Variants in WASL observed in about 807,000 individuals in gnomAD.
WASL encodes actin nucleation-promoting factor WASL.
WASL carries 20 observed loss-of-function variants against 55.5 expected under a neutral mutation model. The ratio of observed to expected loss-of-function variants is 0.36; its 90% confidence interval spans 0.25 to 0.52. WASL has a LOEUF of 0.52. WASL is among the 20% of genes least tolerant of loss of function. The pLI, the probability that WASL is intolerant of heterozygous loss-of-function variation, is 0.92. For synonymous variants in WASL, 249 were observed against 217.6 expected (o/e 1.14, Z -1.27); for missense variants, 504 against 622.5 (o/e 0.81, Z 2.03).
At chr7:123,711,690 T>G (rs941670836) in intron 1 of WASL, among the ~76,000 whole-genome samples, 1 of 152,108 alleles carries the variant, frequency 6.6e-6, no homozygotes, top group African/African-American at 2.4e-5. Context: ...GACAGTGACT[T>G]AATTAAGTTT....
intron 1 of WASL, among the ~76,000 whole-genome samples, chr7:123,721,152 T>G (rs1803937077): frequency 6.6e-6 from 1 of 152,238 alleles, no homozygotes; most frequent in Non-Finnish European, 1.5e-5. Flanking sequence ...ACTCTTGCAG[T>G]CTTTCAAACT....
At chr7:123,710,704 G>C (rs1803740428) in intron 1 of WASL, among the ~76,000 whole-genome samples, 1 of 152,058 alleles carries the variant, frequency 6.6e-6, no homozygotes, top group Admixed American at 6.6e-5. Context: ...AAAAATTTCT[G>C]CAAGAGTCAA....
chr7:123,686,386 C>T (rs1803289161), intron 10 of WASL, among the ~76,000 whole-genome samples: 1 of 151,900 alleles, frequency 6.6e-6, no homozygotes, highest in African/African-American at 2.4e-5. Context: ...TCAAAGACAC[C>T]TGACTATGCT....
At chr7:123,729,113 T>C (rs1431495364) in intron 1 of WASL, among the ~76,000 whole-genome samples, 1 of 152,208 alleles carries the variant, frequency 6.6e-6, no homozygotes, top group Admixed American at 6.5e-5. Flanking sequence ...GTTGGAAATA[T>C]AATGCAAGCC....
intron 1 of WASL, among the ~76,000 whole-genome samples, chr7:123,720,651 T>A (rs74637298): frequency 9.9e-6 from 1 of 100,908 alleles, no homozygotes; most frequent in East Asian, 2.3e-4. Flanking sequence ...CACTGTGGGA[T>A]TTTTTTTTTT....
intron 5 of WASL, among the ~76,000 whole-genome samples, chr7:123,699,213 G>A (rs139730298): frequency 1.1e-4 from 17 of 152,022 alleles, no homozygotes; most frequent in African/African-American, 3.6e-4. Context: ...GTGAAACCGC[G>A]CCTCTAATAC....
intron 10 of WASL, among the ~76,000 whole-genome samples, chr7:123,687,127 CTTCT>C (rs1016606477): frequency 3.9e-5 from 6 of 152,262 alleles, no homozygotes; most frequent in African/African-American, 1.2e-4. Context: ...ATTTTGCACT[CTTCT>C]TTTTCTTCAA....
In WASL at chr7:123,734,648, G is replaced by A. The variant is rs190524581; in HGVS notation, c.117+13970C>T. Among the ~76,000 whole-genome samples, 277 of 151,578 alleles carry A rather than the reference G, an allele frequency of 1.8e-3. 2 individuals carry two copies. Among genetic ancestry groups the A allele is most frequent in the Admixed American group, 3.8e-3 (58 of 15,250 alleles). On this transcript the variant is annotated intron_variant, in intron 1 of 10. Coordinates refer to ENST00000223023, the MANE Select transcript of WASL (RefSeq NM_003941.4). ...TGATAGGATTTCAGCAGGGAGGGGC[G>A]GGAGGAATAACTGCAGTGCAGGGTA...
intron 1 of WASL, among the ~76,000 whole-genome samples, chr7:123,742,716 T>C (rs967200135): frequency 6.6e-6 from 1 of 152,216 alleles, no homozygotes; most frequent in Non-Finnish European, 1.5e-5. Flanking sequence ...GAGTTGGTAA[T>C]TCTACTACTA....
intron 1 of WASL, among the ~76,000 whole-genome samples, chr7:123,715,108 A>C (rs752274416): frequency 6.6e-6 from 1 of 152,212 alleles, no homozygotes; most frequent in Non-Finnish European, 1.5e-5. Context: ...GGAAACCTTG[A>C]CTGGAGATTT....
intron 10 of WASL, among the ~76,000 whole-genome samples, chr7:123,684,947 A>G (rs1803263732): frequency 6.6e-6 from 1 of 151,844 alleles, no homozygotes; most frequent in Non-Finnish European, 1.5e-5. Flanking sequence ...TCCTTCCCCA[A>G]TCTTCTTTTC....
chr7:123,739,647 T>C (rs1449088825), intron 1 of WASL, among the ~76,000 whole-genome samples: 1 of 152,190 alleles, frequency 6.6e-6, no homozygotes, highest in Non-Finnish European at 1.5e-5. Context: ...GGCTAAGCTA[T>C]AATGTTTGGT....
intron 6 of WASL, 52 bp from the exon 7 acceptor site, chr7:123,695,917 TATA>T: frequency 6.4e-7 from 1 of 1,561,152 alleles, no homozygotes; most frequent in Non-Finnish European, 8.8e-7. Context: ...TAAAGGGCAT[TATA>T]AACACAATAT....
chr7:123,725,390 TATA>T (rs1804025315), intron 1 of WASL, among the ~76,000 whole-genome samples: 1 of 152,160 alleles, frequency 6.6e-6, no homozygotes, highest in African/African-American at 2.4e-5. Flanking sequence ...AAAGGAGGGA[TATA>T]ATTTGAAAAC....
Position 123,706,782 on chromosome 7 carries a change from T to C in WASL, c.297A>G (p.Val99=). 6.3e-7 allele frequency: 1 copy of C among 1,581,178 alleles called. No homozygotes were observed. Among genetic ancestry groups the C allele is most frequent in the Non-Finnish European group, 8.6e-7 (1 of 1,169,284 alleles). The part of the protein sequence containing the change: ...LWEQELYNNF[V]YNSPRGYFHT... The stretch of plus-strand genomic sequence containing the variant: ...GAAAATATCCTCTAGGACTATTATA[T>C]ACAAAGTTATTGTATAGCTCTTGTT... The change falls in exon 3 of 11, where the codon GTA becomes GTG. Residue 99 remains valine, a synonymous_variant. Coordinates refer to ENST00000223023, the MANE Select transcript of WASL (RefSeq NM_003941.4).
intron 1 of WASL, among the ~76,000 whole-genome samples, chr7:123,727,353 TCACACACACACA>T (rs150375537): frequency 1.1e-4 from 16 of 147,818 alleles, no homozygotes; most frequent in Non-Finnish European, 2.1e-4. Flanking sequence ...AAAATATGTG[TCACACACACACA>T]CACACACACA....
At chr7:123,736,724 A>G (rs1322123902) in intron 1 of WASL, among the ~76,000 whole-genome samples, 1 of 152,232 alleles carries the variant, frequency 6.6e-6, no homozygotes, top group African/African-American at 2.4e-5. Context: ...AAAGTATAAA[A>G]GTGCAGAAGA....
At chr7:123,745,676 T>C (rs1028797741) in intron 1 of WASL, among the ~76,000 whole-genome samples, 4 of 152,100 alleles carry the variant, frequency 2.6e-5, no homozygotes, top group Admixed American at 6.5e-5. Context: ...TCAGATCCAG[T>C]GATTCTGAGT....
chr7:123,712,203 T>C (rs1803770284), intron 1 of WASL, among the ~76,000 whole-genome samples: 1 of 152,172 alleles, frequency 6.6e-6, no homozygotes, highest in Admixed American at 6.5e-5. Context: ...GTACCTTGTG[T>C]TACTCTGTTA....
Sources: gnomAD v4.1 joint callset for allele counts (sites outside exome capture counted in the v4.1 genomes callset) on GRCh38, gnomAD v4.1.1 for gene constraint, MANE v1.5 for transcripts, NCBI Gene and HGNC (gene_info 2026-07-23, HGNC 2026-07-21) for gene names.